Variants in GGTA1 observed in about 807,000 individuals in gnomAD.
The protein encoded by GGTA1 is inactive N-acetyllactosaminide alpha-1,3-galactosyltransferase.
In GGTA1, 5 loss-of-function variants were observed where a neutral mutation model predicts 2.6. The ratio of observed to expected loss-of-function variants is 1.92; its 90% CI spans 1.00 to 4.04. The LOEUF (loss-of-function observed/expected upper bound fraction) is 4.04, where lower values mean the gene tolerates loss of function less well. Ranked by LOEUF, GGTA1 falls within the 30% of genes most tolerant of loss-of-function variation. GGTA1 has a pLI of 0.00. For synonymous variants in GGTA1, 17 were observed against 5.0 expected (o/e 3.38, Z -3.19); for missense variants, 50 against 16.7 (o/e 2.99, Z -3.47).
chr9:121,464,961 C>T (rs947630078), intron 2 of GGTA1, among the ~76,000 whole-genome samples: 1 of 147,874 alleles, frequency 6.8e-6, no homozygotes, highest in African/African-American at 2.5e-5. Context: ...TCACCTCAAC[C>T]TATCATGTGG....
intron 1 of GGTA1, among the ~76,000 whole-genome samples, chr9:121,468,712 C>T (rs10985258): frequency 0.061 from 9,362 of 152,232 alleles, 330 homozygotes; most frequent in East Asian, 0.11. Flanking sequence ...TTGCATAGAC[C>T]TGCAGTGGCA....
At chr9:121,475,883 G>A (rs560856457) in intron 1 of GGTA1, among the ~76,000 whole-genome samples, 3 of 152,210 alleles carry the variant, frequency 2.0e-5, no homozygotes, top group East Asian at 1.9e-4. Context: ...CAGCATTCCA[G>A]GTAAAAATTA....
exon 8 of GGTA1, chr9:121,445,193 TA>T (rs780715807): frequency 6.6e-6 from 1 of 152,204 alleles, no homozygotes; most frequent in Non-Finnish European, 1.5e-5. Context: ...GGTCAGGACT[TA>T]AAAACCCTTA....
At chr9:121,450,569 G>A (rs780262275), downstream of GGTA1, among the ~76,000 whole-genome samples, 1 of 152,222 alleles carries the variant, frequency 6.6e-6, no homozygotes, top group African/African-American at 2.4e-5. Context: ...CAGTTTAGTT[G>A]TGCAGAGTTG....
At chr9:121,465,019 CAAA>C (rs1175876346) in intron 2 of GGTA1, among the ~76,000 whole-genome samples, 1 of 132,756 alleles carries the variant, frequency 7.5e-6, no homozygotes, top group South Asian at 2.3e-4. Flanking sequence ...AAAAAAAAAA[CAAA>C]AAACAACTCC....
intron 1 of GGTA1, among the ~76,000 whole-genome samples, chr9:121,493,284 G>C (rs980936516): frequency 2.0e-5 from 3 of 152,090 alleles, no homozygotes; most frequent in African/African-American, 7.2e-5. Context: ...GAAGGTCACT[G>C]CAGCTGCTAC....
At chr9:121,496,731 C>CAAAAAA (rs772847384) in intron 1 of GGTA1, among the ~76,000 whole-genome samples, 2 of 31,208 alleles carry the variant, frequency 6.4e-5, no homozygotes, top group Middle Eastern at 0.038. Flanking sequence ...GGCTCCATCT[C>CAAAAAA]AAAAAAAAAA....
intron 5 of GGTA1, among the ~76,000 whole-genome samples, chr9:121,459,747 C>T (rs1468910354): frequency 2.6e-5 from 4 of 152,178 alleles, no homozygotes; most frequent in African/African-American, 9.7e-5. Context: ...CCCAGAACCA[C>T]ATCCTTCCAG....
chr9:121,456,806 G>A (rs542680299), intron 5 of GGTA1, among the ~76,000 whole-genome samples: 1 of 152,240 alleles, frequency 6.6e-6, no homozygotes, highest in East Asian at 1.9e-4. Flanking sequence ...TGAGTAGCTG[G>A]GACTACAGAC....
chr9:121,471,749 T>A (rs1475719999), intron 1 of GGTA1, among the ~76,000 whole-genome samples: 1 of 152,054 alleles, frequency 6.6e-6, no homozygotes, highest in African/African-American at 2.4e-5. Flanking sequence ...CTAAGTACCA[T>A]ATGAGCCAGC....
At chr9:121,493,181 T>C (rs1212577070) in intron 1 of GGTA1, among the ~76,000 whole-genome samples, 1 of 151,494 alleles carries the variant, frequency 6.6e-6, no homozygotes, top group African/African-American at 2.4e-5. Flanking sequence ...ATCTGGCCTC[T>C]CTCTGCCCAG....
At chr9:121,486,279 A>C (rs1204319946) in intron 1 of GGTA1, among the ~76,000 whole-genome samples, 2 of 152,186 alleles carry the variant, frequency 1.3e-5, no homozygotes, top group African/African-American at 4.8e-5. Context: ...GACCTTTCTC[A>C]GTGTGGGAGG....
downstream of GGTA1, among the ~76,000 whole-genome samples, chr9:121,453,106 T>C (rs550399035): frequency 3.9e-5 from 6 of 152,266 alleles, no homozygotes; most frequent in East Asian, 1.2e-3. Flanking sequence ...GATATCTGGG[T>C]GGGAACCTGG....
chr9:121,450,933 A>G (rs897699732), downstream of GGTA1, among the ~76,000 whole-genome samples: 2 of 152,166 alleles, frequency 1.3e-5, no homozygotes, highest in Admixed American at 1.3e-4. Context: ...GAACTATCAG[A>G]TCTTTACAGA....
At chr9:121,475,713 A>T (rs1025907628) in intron 1 of GGTA1, among the ~76,000 whole-genome samples, 1 of 152,252 alleles carries the variant, frequency 6.6e-6, no homozygotes, top group South Asian at 2.1e-4. Flanking sequence ...AAGAGACTCA[A>T]CAGGATATAT....
chr9:121,481,953 G>A (rs866565938), intron 1 of GGTA1, among the ~76,000 whole-genome samples: 36 of 151,406 alleles, frequency 2.4e-4, no homozygotes, highest in Middle Eastern at 6.8e-3. Flanking sequence ...CCGAGATCAT[G>A]CCATTGCACT....
At chr9:121,468,197 G>A (rs1024822899) in intron 1 of GGTA1, among the ~76,000 whole-genome samples, 1 of 152,086 alleles carries the variant, frequency 6.6e-6, no homozygotes, top group East Asian at 1.9e-4. Flanking sequence ...AGGCCCCGGT[G>A]TGCGATGTTC....
intron 1 of GGTA1, among the ~76,000 whole-genome samples, chr9:121,482,958 A>AG (rs1828685013): frequency 6.6e-6 from 1 of 152,160 alleles, no homozygotes; most frequent in Non-Finnish European, 1.5e-5. Context: ...CTCAAAAAAA[A>AG]GAAAAGAAAA....
At chr9:121,494,037 G>A (rs1038054587) in intron 1 of GGTA1, among the ~76,000 whole-genome samples, 11 of 151,976 alleles carry the variant, frequency 7.2e-5, no homozygotes, top group African/African-American at 2.7e-4. Flanking sequence ...GATTACAGTC[G>A]TGAACCACCG....
Sources: allele counts gnomAD v4.1 joint callset (sites outside exome capture counted in the v4.1 genomes callset), GRCh38; gene constraint gnomAD v4.1.1; transcripts MANE v1.5; gene names NCBI Gene and HGNC (gene_info 2026-07-23, HGNC 2026-07-21).